BBS5: variants seen among roughly 807,000 people sequenced by gnomAD.
BBS5 encodes the protein BBSome complex member BBS5.
A neutral mutation model predicts 50.2 loss-of-function variants in BBS5; 39 were observed. The ratio of observed to expected loss-of-function variants is 0.78; its 90% CI spans 0.60 to 1.01. The LOEUF is 1.01. BBS5 is among the 50% of genes least tolerant of loss of function. BBS5 has a pLI of 0.00. For missense variants in BBS5, 356 were observed against 401.5 expected, an observed-to-expected ratio of 0.89 and a Z score of 0.97; for synonymous variants, 134 against 133.1, an observed-to-expected ratio of 1.01 and a Z score of -0.05.
rs1204854486 is a variant in BBS5, at chr2:169,505,418, T to C, written c.*836T>C. The C allele has an allele frequency of 5.4e-5, 17 of 317,172 alleles. No homozygotes were observed. Among genetic ancestry groups the C allele is most frequent in the African/African-American group, 1.9e-4 (8 of 42,116 alleles). 19.6% of individuals were successfully genotyped at this position (317,172 alleles called of 1,614,324 possible). A position where few individuals can be genotyped will look rare whatever the true frequency, so the allele number is the denominator to read the frequency against. ...GGAGCGTCTCTGCCTGGCTGCCCATTGTCTGGGACGTGAGCAGCCCCTCTG... is the reference window on the plus strand; with the variant it reads ...GGAGCGTCTCTGCCTGGCTGCCCATCGTCTGGGACGTGAGCAGCCCCTCTG... On this transcript the variant is annotated 3_prime_UTR_variant, in exon 12 of 12. Transcript: ENST00000295240.
At chr2:169,479,717 G>C in intron 1 of BBS5, 105 bp downstream of exon 1, 1 of 1,275,094 alleles carries the variant, frequency 7.8e-7, no homozygotes, top group Admixed American at 1.9e-5. Flanking sequence ...TCGCGGCCCT[G>C]GTGAGGGTGG....
intron 6 of BBS5, among the ~76,000 whole-genome samples, 192 bp from the exon 7 acceptor site, chr2:169,493,549 A>AT (rs1158297984): frequency 6.6e-6 from 1 of 152,198 alleles, no homozygotes; most frequent in Admixed American, 6.5e-5. Flanking sequence ...TAATGGTTTA[A>AT]TGATTAGGCA....
At position 169,492,739 on chromosome 2, in the gene BBS5, A is replaced by C. The variant is rs535365080; in HGVS notation, c.387-135A>C. 4.1e-5 allele frequency: 35 copies of C among 857,338 alleles called. No individual in the cohort carries two copies. The East Asian group carries it at 9.9e-4, about 24-fold the overall frequency. The allele number at this position is 857,338 out of a possible 1,614,324, so 53.1% of individuals were successfully genotyped here. ...ATAAGAACAATTTTTAAAAAGAAATAAAAATATTAAAATGTATCATAATTA... is the reference window on the plus strand; with the variant it reads ...ATAAGAACAATTTTTAAAAAGAAATCAAAATATTAAAATGTATCATAATTA... On this transcript the variant is annotated intron_variant, in intron 5 of 11. Coordinates refer to ENST00000295240, the MANE Select transcript of BBS5 (RefSeq NM_152384.3).
chr2:169,485,177 A>G (rs1683467732), intron 2 of BBS5, among the ~76,000 whole-genome samples: 1 of 152,240 alleles, frequency 6.6e-6, no homozygotes. Context: ...TTGCCTAGGT[A>G]AAATGGCGTA....
rs181495249 is a variant in BBS5 at position 169,505,191 on chromosome 2, G to A, written c.*609G>A. 2.2e-5 allele frequency: 12 copies of A among 552,390 alleles called. No individual in the cohort carries two copies. The highest frequency in any genetic ancestry group is 3.7e-5 in the South Asian group (2 of 53,358). The allele number at this position is 552,390 out of a possible 1,614,324, so 34.2% of individuals were successfully genotyped here. A position where few individuals can be genotyped will look rare whatever the true frequency, so the allele number is the denominator to read the frequency against. On this transcript the variant is annotated 3_prime_UTR_variant, in exon 12 of 12. Transcript: ENST00000295240. Reference sequence around the variant, plus strand: ...GGGCTGGTCTCCAGCTCCTAACCGCGAGTGATCCGCCAGCCTCGGCCTCCC... The same window carrying A: ...GGGCTGGTCTCCAGCTCCTAACCGCAAGTGATCCGCCAGCCTCGGCCTCCC...
At chr2:169,491,606 T>A (rs1292371690) in intron 5 of BBS5, among the ~76,000 whole-genome samples, 1 of 152,114 alleles carries the variant, frequency 6.6e-6, no homozygotes, top group East Asian at 1.9e-4. Flanking sequence ...GAAAAAGTTA[T>A]AAGGATTTAA....
In BBS5 at chr2:169,506,205, C is replaced by A. The variant is rs1164047446; in HGVS notation, c.*1623C>A. ...GGGGGTCAGCCCCCCGCCCGGCCAG[C>A]CGCCCCGTCCGGGAGGTTAGGGGCG... On this transcript the variant is annotated 3_prime_UTR_variant, in exon 12 of 12. Coordinates refer to ENST00000295240, the MANE Select transcript of BBS5 (RefSeq NM_152384.3). 3 of 154,274 alleles carry A rather than the reference C, an allele frequency of 1.9e-5. No individual in the cohort carries two copies. The highest frequency in any genetic ancestry group is 7.3e-5 in the African/African-American group (3 of 40,848). 9.6% of individuals were successfully genotyped at this position (154,274 alleles called of 1,614,324 possible).
chr2:169,503,728 A>C (rs920242892), intron 10 of BBS5, among the ~76,000 whole-genome samples: 1 of 152,186 alleles, frequency 6.6e-6, no homozygotes, highest in Admixed American at 6.5e-5. Flanking sequence ...CTATTTCCAA[A>C]TTGGTATCAT....
At position 169,504,625 on chromosome 2, in the gene BBS5, G is replaced by T. The variant is rs1574345411; in HGVS notation, c.*43G>T. The T allele has an allele frequency of 7.1e-7, 1 of 1,414,662 alleles. No homozygotes were observed. The highest frequency in any genetic ancestry group is 1.7e-5 in the Admixed American group (1 of 59,716). The allele number at this position is 1,414,662 out of a possible 1,614,324, so 87.6% of individuals were successfully genotyped here. ...TGGATTTCTATTAAAGATATCTCTA[G>T]TTTAAAGATACTAGTCACCTGCCAT... On this transcript the variant is annotated 3_prime_UTR_variant, in exon 12 of 12. Coordinates refer to ENST00000295240, the MANE Select transcript of BBS5 (RefSeq NM_152384.3).
rs934670226 is a variant in BBS5 at position 169,504,338 on chromosome 2, T to A, written c.924+12T>A. ...CTGATGGCAATAAGGTAAGGACATT[T>A]ATTTTACCTACAGTATATGAAAAAA... On this transcript the variant is annotated intron_variant, in intron 11 of 11. Coordinates refer to ENST00000295240, the MANE Select transcript of BBS5 (RefSeq NM_152384.3). 4 of 1,611,418 alleles carry A rather than the reference T, an allele frequency of 2.5e-6. No individual in the cohort carries two copies. The highest frequency in any genetic ancestry group is 2.2e-5 in the South Asian group (2 of 90,996).
At chr2:169,487,383 C>A (rs927083572) in intron 3 of BBS5, among the ~76,000 whole-genome samples, 1 of 152,078 alleles carries the variant, frequency 6.6e-6, no homozygotes, top group African/African-American at 2.4e-5. Flanking sequence ...TGAGAACATA[C>A]TATCATCCCC....
At chr2:169,497,731 CTA>C (rs1397545069) in intron 8 of BBS5, 42 bp downstream of exon 8, 13 of 1,318,114 alleles carry the variant, frequency 9.9e-6, no homozygotes, top group African/African-American at 1.5e-5. Flanking sequence ...ATTTTTAAAA[CTA>C]TGTGACAGTC....
Position 169,505,487 on chromosome 2 carries a change from C to G in BBS5, c.*905C>G. ...AAAGTGAGGAGCGTCTCTGCCCGGC[C>G]GCCATCCCATCTAGGAAGTGAGGAG... On this transcript the variant is annotated 3_prime_UTR_variant, in exon 12 of 12. Transcript: ENST00000295240. 3.3e-6 allele frequency: 1 copy of G among 304,692 alleles called. No homozygotes were observed. Among genetic ancestry groups the G allele is most frequent in the Non-Finnish European group, 6.4e-6 (1 of 156,998 alleles). The allele number at this position is 304,692 out of a possible 1,614,324, so 18.9% of individuals were successfully genotyped here.
At chr2:169,495,970 G>C (rs1024664657) in intron 7 of BBS5, among the ~76,000 whole-genome samples, 1 of 152,210 alleles carries the variant, frequency 6.6e-6, no homozygotes, top group Non-Finnish European at 1.5e-5. Context: ...AACTGGGATT[G>C]TATATACTCT....
intron 2 of BBS5, among the ~76,000 whole-genome samples, chr2:169,485,215 C>T (rs1031128445): frequency 1.3e-5 from 2 of 151,796 alleles, no homozygotes; most frequent in Non-Finnish European, 2.9e-5. Flanking sequence ...TATATAAAAA[C>T]CAAAAAAAGT....
Position 169,505,088 on chromosome 2 carries a change from G to A in BBS5, c.*506G>A. On this transcript the variant is annotated 3_prime_UTR_variant, in exon 12 of 12. Coordinates refer to ENST00000295240, the MANE Select transcript of BBS5 (RefSeq NM_152384.3). ...TCCTGCCTCAGCCTGCCGAGTGCCT[G>A]CGATTACAGGCGCGCGCCGCCACAC... 8.9e-7 allele frequency: 1 copy of A among 1,129,420 alleles called. No individual in the cohort carries two copies. Among genetic ancestry groups the A allele is most frequent in the Non-Finnish European group, 1.3e-6 (1 of 759,552 alleles). 70.0% of individuals were successfully genotyped at this position (1,129,420 alleles called of 1,614,324 possible). A position where few individuals can be genotyped will look rare whatever the true frequency, so the allele number is the denominator to read the frequency against.
intron 11 of BBS5, 55 bp from the exon 12 acceptor site, chr2:169,504,425 TC>T (rs113044313): frequency 3.1e-6 from 5 of 1,593,786 alleles, no homozygotes; most frequent in Non-Finnish European, 4.3e-6. Flanking sequence ...TTTGTTTTTT[TC>T]CTCTTCCTTG....
At chr2:169,488,982 C>T (rs183973758) in intron 5 of BBS5, among the ~76,000 whole-genome samples, 42 of 152,116 alleles carry the variant, frequency 2.8e-4, no homozygotes, top group Middle Eastern at 3.4e-3. Context: ...AGGTTTGTGG[C>T]CTTTTTTTAT....
In BBS5 at chr2:169,504,583, T is replaced by A. The variant is rs772680115; in HGVS notation, c.*1T>A. ...GGGACTTTGGGAAGTAATGAGTTGA[T>A]TGACCTTGAGTTGAGATGGATTTCT... On this transcript the variant is annotated 3_prime_UTR_variant, in exon 12 of 12. Coordinates refer to ENST00000295240, the MANE Select transcript of BBS5 (RefSeq NM_152384.3). 2.5e-6 allele frequency: 4 copies of A among 1,600,722 alleles called. No homozygotes were observed. In the African/African-American group the frequency reaches 5.4e-5, roughly 21 times the overall value.
Sources: gnomAD v4.1 joint callset for allele counts (sites outside exome capture counted in the v4.1 genomes callset) on GRCh38, gnomAD v4.1.1 for gene constraint, MANE v1.5 for transcripts, NCBI Gene and HGNC (gene_info 2026-07-23, HGNC 2026-07-21) for gene names.